LRRC74A: variants seen among roughly 807,000 people sequenced by gnomAD.
The protein encoded by LRRC74A is leucine-rich repeat-containing protein 74A.
Under a neutral mutation model 57.9 loss-of-function variants are expected in LRRC74A, and 44 were observed. The ratio of observed to expected loss-of-function variants is 0.76; its 90% confidence interval spans 0.60 to 0.98. The LOEUF (loss-of-function observed/expected upper bound fraction) is 0.98, where lower values mean the gene tolerates loss of function less well. LRRC74A is among the 50% of genes least tolerant of loss of function. LRRC74A has a pLI of 0.00. For missense variants in LRRC74A, 572 were observed against 574.0 expected (o/e 1.00, Z 0.04); for synonymous variants, 211 against 219.4 (o/e 0.96, Z 0.34).
rs767625989 is a variant in LRRC74A at position 76,826,544 on chromosome 14, G to T, written c.-154G>T. ...GCCTACTCTTCCCAGGGCTTGCTGGGAGGGAAGGATAACTGCAGGCTCCCC... is the reference window on the plus strand; with the variant it reads ...GCCTACTCTTCCCAGGGCTTGCTGGTAGGGAAGGATAACTGCAGGCTCCCC... On this transcript the variant is annotated 5_prime_UTR_variant, in exon 1 of 14. The change creates a premature stop within an existing upstream ORF in the 5' untranslated region. Transcript: ENST00000689127. The T allele has an allele frequency of 6.2e-7, 1 of 1,611,742 alleles. No individual in the cohort carries two copies. Among genetic ancestry groups the T allele is most frequent in the Admixed American group, 1.7e-5 (1 of 59,738 alleles).
At chr14:76,855,429 T>G (rs1468743057) in intron 9 of LRRC74A, among the ~76,000 whole-genome samples, 2 of 152,228 alleles carry the variant, frequency 1.3e-5, no homozygotes, top group Non-Finnish European at 2.9e-5. Flanking sequence ...TTTAAACCAT[T>G]TTTTACCGCT....
At chr14:76,844,992 A>T (rs1897026580) in intron 7 of LRRC74A, 91 bp downstream of exon 7, 1 of 715,750 alleles carries the variant, frequency 1.4e-6, no homozygotes, top group African/African-American at 1.8e-5. Context: ...CATGATTTTT[A>T]AATGTTGTGA....
At chr14:76,867,281 T>TGTGTGTGTTGGGGGGGTGGG in intron 12 of LRRC74A, 75 bp from the exon 13 acceptor site, 1 of 364,842 alleles carries the variant, frequency 2.7e-6, no homozygotes, top group South Asian at 1.9e-5. Flanking sequence ...GGGGGGGTAG[T>TGTGTGTGTTGGGGGGGTGGG]GTGTTTGGGG....
intron 9 of LRRC74A, among the ~76,000 whole-genome samples, chr14:76,854,782 T>C (rs933612060): frequency 1.3e-5 from 2 of 152,216 alleles, no homozygotes; most frequent in Non-Finnish European, 2.9e-5. Context: ...ATTTATAATA[T>C]AGATGCTATT....
Position 76,852,393 on chromosome 14 carries a change from T to G in LRRC74A, c.705T>G (p.Asp235Glu), listed in dbSNP as rs940078580. ...TCAACGTGGGGCTCACGTCACTGGA[T>G]CTGAGCTGGAATAACTTCCACACAA... ...LAINVGLTSL[D>E]LSWNNFHTRG... The change falls in exon 8 of 14, where the codon GAT (aspartate) becomes GAG (glutamate). Residue 235 changes from aspartate (D) to glutamate (E), a missense_variant. By Grantham distance (45) the Asp-to-Glu change is conservative. Transcript: ENST00000689127. 2 of 1,612,306 alleles carry G rather than the reference T, an allele frequency of 1.2e-6. No homozygotes were observed. The highest frequency in any genetic ancestry group is 2.7e-5 in the African/African-American group (2 of 74,856).
chr14:76,849,956 C>A (rs894943902), intron 7 of LRRC74A, among the ~76,000 whole-genome samples: 49 of 152,116 alleles, frequency 3.2e-4, no homozygotes, highest in Non-Finnish European at 1.6e-4. Flanking sequence ...CGCCTGTAAT[C>A]CCAGCACTTT....
chr14:76,861,570 T>C (rs1595395244), intron 11 of LRRC74A, among the ~76,000 whole-genome samples: 1 of 152,238 alleles, frequency 6.6e-6, no homozygotes, highest in Non-Finnish European at 1.5e-5. Context: ...GTCCTTTGTT[T>C]CTAATGATAA....
At chr14:76,833,835 C>T (rs1176926578) in intron 3 of LRRC74A, among the ~76,000 whole-genome samples, 1 of 152,122 alleles carries the variant, frequency 6.6e-6, no homozygotes, top group East Asian at 1.9e-4. Context: ...GTGAATTAAA[C>T]TTTATCATGG....
At chr14:76,852,485 A>G (rs368526708) in intron 8 of LRRC74A, 35 bp downstream of exon 8, 1 of 1,493,456 alleles carries the variant, frequency 6.7e-7, no homozygotes, top group Non-Finnish European at 9.2e-7. Flanking sequence ...TGTGGAGCCC[A>G]GTTGAGGACA....
In LRRC74A at chr14:76,860,833, G is replaced by T; in HGVS notation, c.1194G>T (p.Leu398=). The T allele has an allele frequency of 6.2e-7, 1 of 1,602,122 alleles. No homozygotes were observed. The highest frequency in any genetic ancestry group is 8.5e-7 in the Non-Finnish European group (1 of 1,172,402). ...TCTTGTTGACAAACCCCATGAAACT[G>T]ATCCAGGTGAGCTCCTGCCTTCCTC... ...TIFLLTNPMK[L]IQSYADQHKI... Residue 398 remains leucine, a synonymous_variant, in exon 11 of 14, where the codon CTG becomes CTT. Coordinates refer to ENST00000689127, the MANE Select transcript of LRRC74A (RefSeq NM_001385106.1).
In LRRC74A at chr14:76,860,725, G is replaced by A. The variant is rs1277885662; in HGVS notation, c.1086G>A (p.Thr362=). The change falls in exon 11 of 14, where the codon ACG becomes ACA. Residue 362 remains threonine, a synonymous_variant. Coordinates refer to ENST00000689127, the MANE Select transcript of LRRC74A (RefSeq NM_001385106.1). ...NVLVSEQFMK[T]LDGVYAVHPQ... is the part of the protein sequence containing the mutation. ...TGGTGTCCGAGCAGTTCATGAAAAC[G>A]TTGGACGGAGTGTATGCCGTTCACC... The A allele has an allele frequency of 1.7e-5, 28 of 1,611,720 alleles. No homozygotes were observed. Among genetic ancestry groups the A allele is most frequent in the Middle Eastern group, 1.6e-4 (1 of 6,078 alleles).
intron 10 of LRRC74A, among the ~76,000 whole-genome samples, chr14:76,858,494 C>G (rs1898060182): frequency 6.6e-6 from 1 of 152,186 alleles, no homozygotes; most frequent in African/African-American, 2.4e-5. Context: ...TGTTTCCAAA[C>G]AAGTTCACAT....
chr14:76,867,484 T>C (rs1343329945), intron 13 of LRRC74A, 46 bp downstream of exon 13: 2 of 994,848 alleles, frequency 2.0e-6, no homozygotes, highest in East Asian at 2.4e-5. Flanking sequence ...CAAGGGGCCC[T>C]GGCTGGGCTG....
chr14:76,864,410 AGGGG>A lies in LRRC74A; in HGVS notation c.1201-1548_1201-1545del, dbSNP rs533189641. On this transcript the variant is annotated intron_variant, in intron 11 of 13. Coordinates refer to ENST00000689127, the MANE Select transcript of LRRC74A (RefSeq NM_001385106.1). Reference sequence around the variant, plus strand: ...CTGGGAGTTTCTGAGAGTGAGAGGAAGGGGGGGGGGGGGTGGCGGGGGGAAGGGG... The same window carrying A: ...CTGGGAGTTTCTGAGAGTGAGAGGAAGGGGGGGGGTGGCGGGGGGAAGGGG... 2.0e-3 allele frequency among the ~76,000 whole-genome samples: 102 copies of A among 50,230 alleles called. 5 individuals are homozygous for A. Among genetic ancestry groups the A allele is most frequent in the African/African-American group, 4.6e-3 (53 of 11,568 alleles). 33.0% of individuals were successfully genotyped at this position (50,230 alleles called of 152,430 possible).
chr14:76,853,664 TG>T (rs574434985), intron 9 of LRRC74A, among the ~76,000 whole-genome samples: 230 of 152,244 alleles, frequency 1.5e-3, no homozygotes, highest in Middle Eastern at 6.8e-3. Flanking sequence ...TCCTCCCATC[TG>T]GGTCTCCTTC....
chr14:76,866,158 G>A, intron 12 of LRRC74A, 83 bp downstream of exon 12: 1 of 1,073,486 alleles, frequency 9.3e-7, no homozygotes, highest in East Asian at 2.6e-5. Context: ...AGGAGGAGAA[G>A]GAGCAAAAGA....
intron 5 of LRRC74A, 117 bp from the exon 6 acceptor site, chr14:76,844,306 A>C: frequency 1.0e-6 from 1 of 957,636 alleles, no homozygotes. Flanking sequence ...TCTGGCCCCT[A>C]CCACCTTTTT....
intron 3 of LRRC74A, among the ~76,000 whole-genome samples, 197 bp downstream of exon 3, chr14:76,831,572 T>C (rs939342691): frequency 1.7e-4 from 26 of 152,118 alleles, no homozygotes; most frequent in African/African-American, 6.3e-4. Context: ...AACCTGGGCC[T>C]TGGAAGTCTA....
intron 8 of LRRC74A, 55 bp downstream of exon 8, chr14:76,852,505 TC>T (rs1250333649): frequency 1.5e-6 from 2 of 1,366,878 alleles, no homozygotes; most frequent in Non-Finnish European, 2.0e-6. Flanking sequence ...AGCCAGGGCC[TC>T]CCATCCTGCC....
Sources: gnomAD v4.1 joint callset for allele counts (sites outside exome capture counted in the v4.1 genomes callset) on GRCh38, gnomAD v4.1.1 for gene constraint, MANE v1.5 for transcripts, NCBI Gene and HGNC (gene_info 2026-07-23, HGNC 2026-07-21) for gene names.